Variants in CHD8 observed in about 807,000 individuals in gnomAD.
The protein encoded by CHD8 is ATP-dependent chromatin remodeler CHD8.
CHD8 carries 31 observed loss-of-function variants against 279.2 expected under a neutral mutation model. The observed-to-expected ratio is 0.11, with a 90% confidence interval of 0.08 to 0.15. CHD8 has a LOEUF of 0.15. CHD8 is among the 10% of genes least tolerant of loss of function. The pLI is 1.00. For synonymous variants in CHD8, 1,081 were observed against 1,139.6 expected (o/e 0.95, Z 1.04); for missense variants, 2,146 against 3,230.5 (o/e 0.66, Z 8.14).
intron 37 of CHD8, among the ~76,000 whole-genome samples, chr14:21,387,277 G>A (rs955787249): frequency 2.6e-5 from 4 of 151,900 alleles, no homozygotes; most frequent in African/African-American, 9.7e-5. Flanking sequence ...CTTGAGGTTA[G>A]GAGTTCAAGA....
At chr14:21,407,509 A>T (rs1888300151) in intron 13 of CHD8, among the ~76,000 whole-genome samples, 1 of 149,700 alleles carries the variant, frequency 6.7e-6, no homozygotes, top group Admixed American at 6.6e-5. Flanking sequence ...TGGTAGAAAT[A>T]AAAAAAAGAA....
intron 9 of CHD8, 161 bp downstream of exon 9, chr14:21,414,140 G>T: frequency 1.7e-6 from 1 of 588,328 alleles, no homozygotes. Flanking sequence ...ACAAAACAAT[G>T]CAAGGGCAGT....
At chr14:21,420,291 A>G (rs1391937048) in intron 5 of CHD8, among the ~76,000 whole-genome samples, 2 of 152,094 alleles carry the variant, frequency 1.3e-5, no homozygotes, top group Non-Finnish European at 2.9e-5. Context: ...CGGCTCTTCT[A>G]GCCCTGTGCT....
rs368986270 is a variant in CHD8 at position 21,410,766 on chromosome 14, T to C, written c.2227-778A>G. Among the ~76,000 whole-genome samples the C allele has an allele frequency of 1.1e-4, 17 of 152,340 alleles. 1 individual carries two copies. The East Asian group carries it at 2.3e-3, about 21-fold the overall frequency. On this transcript the variant is annotated intron_variant, in intron 10 of 37. Coordinates refer to ENST00000646647, the MANE Select transcript of CHD8 (RefSeq NM_001170629.2). The stretch of plus-strand genomic sequence containing the variant: ...ACAAGAATCTCTAATTATCAATTCA[T>C]AGAAAACTTAAAATAGCCAACAAAA...
In CHD8 at chr14:21,403,704, C is replaced by T. The variant is rs1343815473; in HGVS notation, c.3308-41G>A. On this transcript the variant is annotated intron_variant, in intron 16 of 37. Coordinates refer to ENST00000646647, the MANE Select transcript of CHD8 (RefSeq NM_001170629.2). The surrounding 1 kb of genome is among the most constrained non-coding windows in gnomAD (Gnocchi z 4.3). ...TCAAATTATGTTGAGATCCAGTGAA[C>T]CATATTAAGGTTGTAGTCTATTTAA... The T allele has an allele frequency of 2.0e-6, 3 of 1,485,588 alleles. No homozygotes were observed. The highest frequency in any genetic ancestry group is 2.8e-5 in the African/African-American group (2 of 71,804). 92.0% of individuals were successfully genotyped at this position (1,485,588 alleles called of 1,614,324 possible).
At chr14:21,433,364 T>A (rs1479180140) in intron 1 of CHD8, among the ~76,000 whole-genome samples, 5 of 152,222 alleles carry the variant, frequency 3.3e-5, no homozygotes, top group African/African-American at 7.2e-5. Flanking sequence ...CAGGGAAGTA[T>A]ATCACCATAA....
chr14:21,431,239 G>C lies in CHD8; in HGVS notation c.405C>G (p.Phe135Leu). 1.9e-6 allele frequency: 3 copies of C among 1,598,386 alleles called. No individual in the cohort carries two copies. The highest frequency in any genetic ancestry group is 2.5e-6 in the Non-Finnish European group (3 of 1,179,306). Residue 135 changes from phenylalanine to leucine, a missense_variant, in exon 2 of 38, where the codon TTC becomes TTG. Phe to Leu is a conservative substitution (Grantham distance 22). Transcript: ENST00000646647. ...SQEILSQGNP[F>L]MGVSATAVSS... is the part of the protein sequence containing the mutation. ...AGACAGCTGTGGCAGAGACACCCAT[G>C]AAAGGATTCCCTTGGCTCAGGATCT...
chr14:21,413,089 C>A, intron 9 of CHD8, 93 bp from the exon 10 acceptor site: 1 of 762,646 alleles, frequency 1.3e-6, no homozygotes. Context: ...AATCCTACTT[C>A]AAAATTTTTA....
chr14:21,385,829 G>C lies in CHD8; in HGVS notation c.7530C>G (p.Gly2510=). The C allele has an allele frequency of 6.5e-7, 1 of 1,549,018 alleles. No homozygotes were observed. Among genetic ancestry groups the C allele is most frequent in the South Asian group, 1.2e-5 (1 of 83,906 alleles). The change falls in exon 38 of 38, where the codon GGC becomes GGG. Residue 2510 remains glycine, a synonymous_variant. Coordinates refer to ENST00000646647, the MANE Select transcript of CHD8 (RefSeq NM_001170629.2). The stretch of plus-strand genomic sequence containing the variant: ...AAGAGGGGTAGCCAGGGGCTCTCAA[G>C]CCTGGATGGTGATGGTGGTGATGGT... ...HPHHHHHHHP[G]LRAPGYPSSP... is the part of the protein sequence containing the mutation.
At chr14:21,425,907 G>C in intron 5 of CHD8, 1 of 498,872 alleles carries the variant, frequency 2.0e-6, no homozygotes, top group South Asian at 3.1e-5. Context: ...CTGCACTTCA[G>C]GCCTGGGTGA....
intron 11 of CHD8, among the ~76,000 whole-genome samples, chr14:21,409,600 A>C (rs1165555876): frequency 6.6e-6 from 1 of 152,212 alleles, no homozygotes; most frequent in East Asian, 1.9e-4. Context: ...TTACAGATGA[A>C]ATAAATGAAT....
At chr14:21,454,770 CT>C (rs976245847) in intron 1 of CHD8, among the ~76,000 whole-genome samples, 1 of 152,080 alleles carries the variant, frequency 6.6e-6, no homozygotes, top group Non-Finnish European at 1.5e-5. Context: ...TATCATAACT[CT>C]TTTTTTAAGG....
At position 21,400,198 on chromosome 14, in the gene CHD8, C is replaced by T; in HGVS notation, c.4680G>A (p.Leu1560=). The part of the protein sequence containing the change: ...DWIRKYNPDT[L]FQDESYKKHL... ...GCTTCTTATAACTTTCATCTTGGAA[C>T]AAAGTGTCAGGGTTATATTTCCGGA... The change falls in exon 24 of 38, where the codon TTG becomes TTA. Residue 1560 remains leucine (L), a synonymous_variant. Coordinates refer to ENST00000646647, the MANE Select transcript of CHD8 (RefSeq NM_001170629.2). This position sits in a 1 kb window ranked among gnomAD's most constrained non-coding sequence, Gnocchi z 4.2. 6.2e-7 allele frequency: 1 copy of T among 1,613,898 alleles called. No homozygotes were observed. Among genetic ancestry groups the T allele is most frequent in the Non-Finnish European group, 8.5e-7 (1 of 1,179,870 alleles).
chr14:21,452,643 A>T (rs1331581775), intron 1 of CHD8, among the ~76,000 whole-genome samples: 1 of 150,900 alleles, frequency 6.6e-6, no homozygotes, highest in Non-Finnish European at 1.5e-5. Context: ...GACTTGTCTC[A>T]AAAGAAAAAA....
At chr14:21,411,704 A>G (rs1416595889) in intron 10 of CHD8, among the ~76,000 whole-genome samples, 1 of 152,228 alleles carries the variant, frequency 6.6e-6, no homozygotes, top group Admixed American at 6.5e-5. Context: ...CCTAAAAAAA[A>G]ATTAGAAGTA....
chr14:21,398,048 T>C lies in CHD8; in HGVS notation c.4922-96A>G, dbSNP rs919907882. 5 of 1,164,568 alleles carry C rather than the reference T, an allele frequency of 4.3e-6. No homozygotes were observed. The African/African-American group carries it at 7.8e-5, about 18-fold the overall frequency. The allele number at this position is 1,164,568 out of a possible 1,614,324, so 72.1% of individuals were successfully genotyped here. On this transcript the variant is annotated intron_variant, in intron 26 of 37. Transcript: ENST00000646647. ...TGGAATAATTAGAATATGTTCTATA[T>C]TGCTCATAATGGAAAACAAAGTTAG...
chr14:21,454,420 C>T lies in CHD8; in HGVS notation c.-216+1612G>A, dbSNP rs574049415. Among the ~76,000 whole-genome samples the T allele has an allele frequency of 3.9e-5, 6 of 152,288 alleles. No homozygotes were observed. In the East Asian group the frequency reaches 5.8e-4, roughly 15 times the overall value. On this transcript the variant is annotated intron_variant, in intron 1 of 37. Coordinates refer to ENST00000646647, the MANE Select transcript of CHD8 (RefSeq NM_001170629.2). ...GCAATCTCCACCTCCAGGGTTCAAG[C>T]GATTTTCATGCCTTGGCCTCCCATG...
Position 21,431,281 on chromosome 14 carries a change from T to G in CHD8, c.363A>C (p.Gln121His). The change falls in exon 2 of 38, where the codon CAA (glutamine) becomes CAC (histidine). Residue 121 changes from glutamine (Q) to histidine (H), a missense_variant. Around this residue, in one of 26 missense-constraint regions of CHD8, gnomAD observed 302 missense variants for 325.5 expected, o/e 0.93. Transcript: ENST00000646647. The stretch of plus-strand genomic sequence containing the variant: ...TCAGGATCTCCTGGCTCTTGGAGAC[T>G]TGCAAAAGTCCTGATGTTGGCGTCG... ...QTSTPTSGLL[Q>H]VSKSQEILSQ... 2 of 1,582,188 alleles carry G rather than the reference T, an allele frequency of 1.3e-6. No individual in the cohort carries two copies. Among genetic ancestry groups the G allele is most frequent in the Non-Finnish European group, 1.7e-6 (2 of 1,171,398 alleles).
At chr14:21,454,686 T>G (rs1381960849) in intron 1 of CHD8, among the ~76,000 whole-genome samples, 1 of 152,220 alleles carries the variant, frequency 6.6e-6, no homozygotes, top group Non-Finnish European at 1.5e-5. Context: ...GGCCAATATC[T>G]TTCACTTGCC....
Sources: gnomAD v4.1 joint callset for allele counts (sites outside exome capture counted in the v4.1 genomes callset) on GRCh38, gnomAD v4.1.1 for gene constraint, gnomAD v4.1.1 regional missense constraint, Gnocchi (gnomAD v3.1) non-coding constraint, MANE v1.5 for transcripts, NCBI Gene and HGNC (gene_info 2026-07-23, HGNC 2026-07-21) for gene names.